SGCE: variants seen among roughly 807,000 people sequenced by gnomAD.
SGCE encodes sarcoglycan epsilon, also known as epsilon-sarcoglycan.
SGCE carries 26 observed loss-of-function variants against 57.8 expected under a neutral mutation model. That is an observed-to-expected ratio of 0.45 (90% confidence interval 0.33 to 0.62). The LOEUF is 0.62. SGCE is among the 20% of genes least tolerant of loss of function. The pLI is 0.02. For synonymous variants in SGCE, 183 were observed against 189.5 expected, an observed-to-expected ratio of 0.97 and a Z score of 0.28; for missense variants, 468 against 548.6, an observed-to-expected ratio of 0.85 and a Z score of 1.47.
chr7:94,585,272 CAA>C lies in SGCE; in HGVS notation c.*225_*226del, dbSNP rs1366936590. On this transcript the variant is annotated 3_prime_UTR_variant, in exon 11 of 11. Transcript: ENST00000648936. ...TTTTAAAGATCAACTTTTATTGTAA[CAA>C]ATATAAAGTCATCAATGTTTTACAA... is the stretch of plus-strand genomic sequence containing the variant. 4 of 459,372 alleles carry C rather than the reference CAA, an allele frequency of 8.7e-6. No homozygotes were observed. Among genetic ancestry groups the C allele is most frequent in the Non-Finnish European group, 1.6e-5 (4 of 257,816 alleles). 28.5% of individuals were successfully genotyped at this position (459,372 alleles called of 1,614,324 possible). A position where few individuals can be genotyped will look rare whatever the true frequency, so the allele number is the denominator to read the frequency against.
chr7:94,637,192 A>G (rs987271106), intron 1 of SGCE, among the ~76,000 whole-genome samples: 116 of 152,302 alleles, frequency 7.6e-4, no homozygotes, highest in African/African-American at 2.7e-3. Context: ...AGAACATCTC[A>G]AAGAACATTC....
intron 1 of SGCE, among the ~76,000 whole-genome samples, chr7:94,634,527 A>T (rs1386989676): frequency 2.0e-5 from 3 of 152,170 alleles, no homozygotes; most frequent in Non-Finnish European, 4.4e-5. Flanking sequence ...TGTTTCCCAT[A>T]GCAGCTTCTC....
chr7:94,641,134 G>A (rs1465762356), intron 1 of SGCE, among the ~76,000 whole-genome samples: 1 of 152,194 alleles, frequency 6.6e-6, no homozygotes, highest in Non-Finnish European at 1.5e-5. Context: ...TAAGCCAACA[G>A]AAGAGAGATG....
At chr7:94,651,942 T>G (rs1272876486) in intron 1 of SGCE, among the ~76,000 whole-genome samples, 4 of 152,142 alleles carry the variant, frequency 2.6e-5, no homozygotes, top group African/African-American at 7.2e-5. Context: ...TTATTATTTT[T>G]TTTTTTTGTT....
intron 1 of SGCE, chr7:94,639,327 C>T (rs1006629329): frequency 1.2e-5 from 17 of 1,459,406 alleles, no homozygotes; most frequent in Middle Eastern, 1.7e-4. Flanking sequence ...TTTAGATTTA[C>T]AACCTAAACT....
chr7:94,642,129 C>A (rs190866688), intron 1 of SGCE, among the ~76,000 whole-genome samples: 3 of 152,178 alleles, frequency 2.0e-5, no homozygotes, highest in African/African-American at 7.2e-5. Context: ...CCTAGGAGTA[C>A]AAATCAAAAT....
At chr7:94,649,275 A>G (rs1471350387) in intron 1 of SGCE, among the ~76,000 whole-genome samples, 1 of 152,264 alleles carries the variant, frequency 6.6e-6, no homozygotes, top group Non-Finnish European at 1.5e-5. Context: ...AAATTCTACC[A>G]AAGAGTGACC....
chr7:94,636,302 T>C (rs149891650), intron 1 of SGCE, among the ~76,000 whole-genome samples: 298 of 152,336 alleles, frequency 2.0e-3, no homozygotes, highest in Non-Finnish European at 2.5e-3. Flanking sequence ...TCATCCTGTC[T>C]GGGCATGCCA....
intron 8 of SGCE, 21 bp from the exon 9 acceptor site, chr7:94,598,984 A>G (rs1798821677): frequency 6.3e-7 from 1 of 1,589,884 alleles, no homozygotes; most frequent in Non-Finnish European, 8.6e-7. Context: ...AAGAAATAAA[A>G]CAACATATAT....
At chr7:94,604,806 AATATATATATAT>A (rs59162734) in intron 5 of SGCE, among the ~76,000 whole-genome samples, 483 of 44,234 alleles carry the variant, frequency 0.011, 1 homozygote, top group African/African-American at 0.022. Flanking sequence ...ATGGTGCTGG[AATATATATATAT>A]ATATATATAT....
chr7:94,614,516 G>A (rs1422161209), intron 5 of SGCE, among the ~76,000 whole-genome samples: 4 of 152,238 alleles, frequency 2.6e-5, no homozygotes, highest in South Asian at 4.1e-4. Flanking sequence ...TCCACACTAA[G>A]TAGAGTTCTG....
intron 5 of SGCE, among the ~76,000 whole-genome samples, chr7:94,613,278 A>T (rs534108431): frequency 1.1e-3 from 171 of 152,266 alleles, no homozygotes; most frequent in Non-Finnish European, 1.8e-3. Context: ...GTCCATGTGT[A>T]ATAATAATAA....
chr7:94,615,577 T>C (rs1801804570), intron 5 of SGCE, among the ~76,000 whole-genome samples: 1 of 152,090 alleles, frequency 6.6e-6, no homozygotes, highest in Non-Finnish European at 1.5e-5. Flanking sequence ...GCCTTTGACA[T>C]ACAGCAAAAA....
intron 1 of SGCE, among the ~76,000 whole-genome samples, chr7:94,646,417 A>T (rs1807082481): frequency 6.6e-6 from 1 of 152,220 alleles, no homozygotes; most frequent in South Asian, 2.1e-4. Context: ...TTGCTCAAAT[A>T]GCCTGAGAAG....
chr7:94,626,471 T>G (rs1462929335), intron 3 of SGCE: 1 of 152,064 alleles, frequency 6.6e-6, no homozygotes, highest in Non-Finnish European at 1.5e-5. Context: ...TTATTCCTAG[T>G]ACCTCAACAT....
intron 1 of SGCE, among the ~76,000 whole-genome samples, chr7:94,655,418 C>A (rs576523472): frequency 6.6e-6 from 1 of 152,130 alleles, no homozygotes; most frequent in African/African-American, 2.4e-5. Flanking sequence ...CTCCGTAAAA[C>A]CGAAGAAAAC....
chr7:94,637,793 T>C (rs1293895629), intron 1 of SGCE, among the ~76,000 whole-genome samples: 1 of 152,134 alleles, frequency 6.6e-6, no homozygotes, highest in African/African-American at 2.4e-5. Context: ...AGAAAAGGGA[T>C]GACTGCAATC....
intron 1 of SGCE, among the ~76,000 whole-genome samples, chr7:94,640,488 A>C (rs1482218762): frequency 2.0e-5 from 3 of 152,170 alleles, no homozygotes; most frequent in Admixed American, 2.0e-4. Context: ...CTTACATTTT[A>C]GACATGATAG....
intron 1 of SGCE, among the ~76,000 whole-genome samples, chr7:94,655,234 T>G (rs1233279885): frequency 6.6e-6 from 1 of 152,190 alleles, no homozygotes; most frequent in East Asian, 1.9e-4. Flanking sequence ...AGTCGGTAGC[T>G]GGGAGCCTTC....
Sources: gnomAD v4.1 joint callset for allele counts (sites outside exome capture counted in the v4.1 genomes callset) on GRCh38, gnomAD v4.1.1 for gene constraint, MANE v1.5 for transcripts, NCBI Gene and HGNC (gene_info 2026-07-23, HGNC 2026-07-21) for gene names.